Variants in CLDN10 observed in about 807,000 individuals in gnomAD.
The protein encoded by CLDN10 is claudin 10.
CLDN10 carries 15 observed loss-of-function variants against 22.9 expected under a neutral mutation model. The ratio of observed to expected loss-of-function variants is 0.65; its 90% CI spans 0.44 to 1.01. The LOEUF is 1.01. Ranked by LOEUF, CLDN10 falls within the 50% of genes least tolerant of loss-of-function variation. The probability of loss-of-function intolerance (pLI) is 0.00; values close to 1 mark genes in which losing one functional copy is unlikely to be tolerated. For synonymous variants in CLDN10, 114 were observed against 111.4 expected (o/e 1.02, Z -0.15); for missense variants, 247 against 287.8 (o/e 0.86, Z 1.03).
chr13:95,483,232 C>T (rs2042768604), intron 1 of CLDN10, among the ~76,000 whole-genome samples: 2 of 152,162 alleles, frequency 1.3e-5, no homozygotes, highest in South Asian at 4.1e-4. Flanking sequence ...ACAGCTTTCT[C>T]CTCGTTCAGA....
upstream of CLDN10, among the ~76,000 whole-genome samples, chr13:95,549,333 A>T (rs1042973352): frequency 2.0e-5 from 3 of 152,270 alleles, no homozygotes; most frequent in Admixed American, 1.3e-4. Context: ...ATAAGGAAGC[A>T]TTTATCAGTC....
chr13:95,474,415 T>C (rs1222822443), intron 1 of CLDN10, among the ~76,000 whole-genome samples: 2 of 152,222 alleles, frequency 1.3e-5, no homozygotes, highest in African/African-American at 4.8e-5. Context: ...CACCTCCTGC[T>C]GTACGGCCTA....
intron 1 of CLDN10, among the ~76,000 whole-genome samples, chr13:95,496,903 T>C (rs192639027): frequency 4.4e-4 from 67 of 152,246 alleles, no homozygotes; most frequent in Non-Finnish European, 7.8e-4. Context: ...GGAATGCACA[T>C]AGGGACACAC....
At chr13:95,535,706 T>G (rs2043393361) in intron 1 of CLDN10, among the ~76,000 whole-genome samples, 1 of 151,734 alleles carries the variant, frequency 6.6e-6, no homozygotes, top group Non-Finnish European at 1.5e-5. Flanking sequence ...GGGAATCCCA[T>G]TATGGAGCCA....
intron 4 of CLDN10, 46 bp downstream of exon 4, chr13:95,577,384 T>C (rs1221280333): frequency 8.6e-7 from 1 of 1,165,966 alleles, no homozygotes; most frequent in South Asian, 1.2e-5. Flanking sequence ...TAGAATGCTA[T>C]CATAAATCAT....
intron 3 of CLDN10, among the ~76,000 whole-genome samples, chr13:95,569,576 A>G (rs1178533325): frequency 4.6e-5 from 7 of 152,080 alleles, no homozygotes; most frequent in African/African-American, 1.4e-4. Context: ...AGAGGGAGTG[A>G]GACTCTGCCT....
Position 95,558,925 on chromosome 13 carries a change from TAAAAAAAGAAAAG to T in CLDN10, c.221-1195_221-1183del, listed in dbSNP as rs549346553. ...GGGTGGCAAAAGTGAGATCCTGTGT[TAAAAAAAGAAAAG>T]AAAAAAAGAAACTGAACTGGAGGCC... On this transcript the variant is annotated intron_variant, in intron 1 of 4. Coordinates refer to ENST00000299339, the MANE Select transcript of CLDN10 (RefSeq NM_006984.5). 1.2e-3 allele frequency among the ~76,000 whole-genome samples: 185 copies of T among 151,916 alleles called. 1 individual carries two copies. Among genetic ancestry groups the T allele is most frequent in the African/African-American group, 4.3e-3 (178 of 41,432 alleles).
At chr13:95,557,409 G>T (rs1191749984) in intron 1 of CLDN10, among the ~76,000 whole-genome samples, 1 of 152,150 alleles carries the variant, frequency 6.6e-6, no homozygotes, top group Non-Finnish European at 1.5e-5. Flanking sequence ...GCTCCAATCT[G>T]TGGGTGTTGT....
intron 3 of CLDN10, among the ~76,000 whole-genome samples, chr13:95,574,024 T>G (rs2043893763): frequency 6.6e-6 from 1 of 152,222 alleles, no homozygotes; most frequent in African/African-American, 2.4e-5. Flanking sequence ...TCCAGCTTCA[T>G]CCATATCCCT....
At chr13:95,568,684 C>T (rs1244199311) in intron 3 of CLDN10, among the ~76,000 whole-genome samples, 1 of 152,108 alleles carries the variant, frequency 6.6e-6, no homozygotes, top group Non-Finnish European at 1.5e-5. Flanking sequence ...ATCTAGAAGT[C>T]GAAACCATGT....
chr13:95,567,185 G>A (rs1477072524), intron 3 of CLDN10, among the ~76,000 whole-genome samples: 5 of 152,080 alleles, frequency 3.3e-5, no homozygotes, highest in South Asian at 2.1e-4. Flanking sequence ...GATGGGGATG[G>A]CACTGAATCT....
intron 3 of CLDN10, among the ~76,000 whole-genome samples, chr13:95,570,339 A>G (rs2043838435): frequency 6.6e-6 from 1 of 152,196 alleles, no homozygotes; most frequent in South Asian, 2.1e-4. Flanking sequence ...ATGGAGATCA[A>G]TGGCATGGAT....
intron 1 of CLDN10, among the ~76,000 whole-genome samples, chr13:95,439,640 G>T (rs1219596669): frequency 6.6e-6 from 1 of 151,260 alleles, no homozygotes; most frequent in East Asian, 2.0e-4. Flanking sequence ...AGCCTCTGGG[G>T]CCTCTTTTAT....
At chr13:95,509,493 G>A (rs1291399407) in intron 1 of CLDN10, among the ~76,000 whole-genome samples, 1 of 152,196 alleles carries the variant, frequency 6.6e-6, no homozygotes, top group Non-Finnish European at 1.5e-5. Context: ...AGTACCTGCA[G>A]GCAGTGCGAA....
chr13:95,530,578 C>T (rs981597298), intron 1 of CLDN10, among the ~76,000 whole-genome samples: 1 of 152,160 alleles, frequency 6.6e-6, no homozygotes, highest in African/African-American at 2.4e-5. Context: ...GAGATCAAAT[C>T]CCAAATTTCA....
At chr13:95,455,197 G>GA (rs548591708) in intron 1 of CLDN10, among the ~76,000 whole-genome samples, 16,421 of 122,590 alleles carry the variant, frequency 0.13, 979 homozygotes, top group South Asian at 0.24. Context: ...GCCTCTAATA[G>GA]AAAAAAAAAA....
intron 1 of CLDN10, among the ~76,000 whole-genome samples, chr13:95,460,631 G>A (rs1252925509): frequency 6.6e-6 from 1 of 152,140 alleles, no homozygotes; most frequent in Non-Finnish European, 1.5e-5. Context: ...GCCGTGACAT[G>A]TGAAGATTTT....
chr13:95,561,733 A>T (rs978815706), intron 3 of CLDN10, among the ~76,000 whole-genome samples: 16 of 149,500 alleles, frequency 1.1e-4, no homozygotes, highest in African/African-American at 3.9e-4. Context: ...AATATGCTAC[A>T]TGTACTGTTC....
At chr13:95,475,677 A>G (rs2042678553) in intron 1 of CLDN10, among the ~76,000 whole-genome samples, 1 of 152,058 alleles carries the variant, frequency 6.6e-6, no homozygotes, top group Admixed American at 6.5e-5. Flanking sequence ...TTCCCACCTC[A>G]TCCTCCAGCT....
Sources: gnomAD v4.1 joint callset for allele counts (sites outside exome capture counted in the v4.1 genomes callset) on GRCh38, gnomAD v4.1.1 for gene constraint, MANE v1.5 for transcripts, NCBI Gene and HGNC (gene_info 2026-07-23, HGNC 2026-07-21) for gene names.